CSMD1: variants seen among roughly 807,000 people sequenced by gnomAD.
The protein encoded by CSMD1 is CUB and Sushi multiple domains 1, also known as CUB and sushi domain-containing protein 1.
In CSMD1, 213 loss-of-function variants were observed where a neutral mutation model predicts 417.5. The ratio of observed to expected loss-of-function variants is 0.51; its 90% CI spans 0.46 to 0.57. CSMD1 has a LOEUF of 0.57. CSMD1 is among the 20% of genes least tolerant of loss of function. CSMD1 has a pLI of 0.00. For missense variants in CSMD1, 6,923 were observed against 4,529.7 expected, an observed-to-expected ratio of 1.53 and a Z score of -15.17; for synonymous variants, 2,862 against 1,736.8, an observed-to-expected ratio of 1.65 and a Z score of -16.11.
intron 3 of CSMD1, among the ~76,000 whole-genome samples, chr8:4,048,959 G>A (rs138758271): frequency 1.3e-3 from 190 of 151,908 alleles, no homozygotes; most frequent in African/African-American, 3.0e-3. Flanking sequence ...TAAATCTATC[G>A]TATAAATGTG....
At chr8:3,673,421 A>G (rs1314304505) in intron 7 of CSMD1, among the ~76,000 whole-genome samples, 1 of 152,116 alleles carries the variant, frequency 6.6e-6, no homozygotes, top group Non-Finnish European at 1.5e-5. Context: ...CGTAGCATCA[A>G]CTCCCCTTGG....
chr8:4,244,388 T>G (rs1044709009), intron 3 of CSMD1, among the ~76,000 whole-genome samples: 1 of 152,208 alleles, frequency 6.6e-6, no homozygotes, highest in African/African-American at 2.4e-5. Context: ...GATGTTTTTA[T>G]GTTAATAGAT....
chr8:4,755,381 G>T (rs569394888), intron 1 of CSMD1, among the ~76,000 whole-genome samples: 19 of 152,068 alleles, frequency 1.2e-4, no homozygotes, highest in Non-Finnish European at 2.4e-4. Context: ...CCTTCAAAGT[G>T]CTGCTTTCTC....
chr8:4,643,472 A>C (rs1029055420), intron 1 of CSMD1, among the ~76,000 whole-genome samples: 2 of 152,154 alleles, frequency 1.3e-5, no homozygotes, highest in South Asian at 4.1e-4. Context: ...ACATTGCCTT[A>C]CTCCTACTGG....
At chr8:3,470,253 T>C (rs1395525586) in intron 11 of CSMD1, among the ~76,000 whole-genome samples, 1 of 152,210 alleles carries the variant, frequency 6.6e-6, no homozygotes, top group African/African-American at 2.4e-5. Flanking sequence ...ATTCATGTTA[T>C]TGTTTGTAGT....
chr8:2,961,329 T>C, intron 61 of CSMD1, 115 bp from the exon 62 acceptor site: 1 of 492,022 alleles, frequency 2.0e-6, no homozygotes, highest in East Asian at 3.5e-5. Flanking sequence ...TTGAGAAATG[T>C]GCAAGATGTT....
chr8:4,680,759 T>C (rs1291079040), intron 1 of CSMD1, among the ~76,000 whole-genome samples: 1 of 152,078 alleles, frequency 6.6e-6, no homozygotes, highest in Non-Finnish European at 1.5e-5. Flanking sequence ...TTTGTATTTT[T>C]AGTAGAGACG....
At chr8:4,799,930 C>T (rs890240856) in intron 1 of CSMD1, among the ~76,000 whole-genome samples, 21 of 151,998 alleles carry the variant, frequency 1.4e-4, no homozygotes, top group African/African-American at 4.4e-4. Context: ...CTTTCGAAAG[C>T]GATGCATGTA....
At chr8:3,611,192 C>T (rs906613152) in intron 8 of CSMD1, among the ~76,000 whole-genome samples, 3 of 151,776 alleles carry the variant, frequency 2.0e-5, no homozygotes, top group Admixed American at 6.6e-5. Flanking sequence ...CGTAACTAAC[C>T]TGCACATTGT....
intron 26 of CSMD1, among the ~76,000 whole-genome samples, chr8:3,234,342 C>A (rs1419492802): frequency 6.6e-6 from 1 of 152,178 alleles, no homozygotes; most frequent in Admixed American, 6.5e-5. Context: ...CACTGTAATA[C>A]TGCAAACGGA....
chr8:4,947,673 T>C (rs753943368), intron 1 of CSMD1, among the ~76,000 whole-genome samples: 18 of 152,142 alleles, frequency 1.2e-4, no homozygotes, highest in African/African-American at 1.9e-4. Flanking sequence ...TTGATCATTC[T>C]TGGCATTGAA....
chr8:3,386,174 T>C (rs1452840193), intron 18 of CSMD1, among the ~76,000 whole-genome samples: 4 of 152,158 alleles, frequency 2.6e-5, no homozygotes, highest in Non-Finnish European at 5.9e-5. Context: ...GAAAAATGCC[T>C]CAGCTCATCT....
chr8:3,670,674 G>GA (rs1563255100), intron 7 of CSMD1, among the ~76,000 whole-genome samples: 1 of 144,326 alleles, frequency 6.9e-6, no homozygotes, highest in Non-Finnish European at 1.5e-5. Flanking sequence ...TATGTACATG[G>GA]TTATATATGT....
At chr8:3,293,430 T>G (rs556952043) in intron 25 of CSMD1, among the ~76,000 whole-genome samples, 135 of 152,372 alleles carry the variant, frequency 8.9e-4, no homozygotes, top group African/African-American at 3.0e-3. Flanking sequence ...TTTTCCAACT[T>G]GGTTCCATTC....
In CSMD1 at chr8:3,915,889, T is replaced by G. The variant is rs142796615; in HGVS notation, c.818+82014A>C. ...AATTGTTTTTGAATAACAAGGAAAT[T>G]AAAATCATATAAATTGTGTGAGTTA... On this transcript the variant is annotated intron_variant, in intron 5 of 69. Transcript: ENST00000635120. Among the ~76,000 whole-genome samples the G allele has an allele frequency of 6.9e-4, 104 of 150,338 alleles. No individual in the cohort carries two copies. The East Asian group carries it at 0.013, about 19-fold the overall frequency.
rs371301531 is a variant in CSMD1 at position 3,351,440 on chromosome 8, G to A, written c.3305-3279C>T. On this transcript the variant is annotated intron_variant, in intron 21 of 69. Coordinates refer to ENST00000635120, the MANE Select transcript of CSMD1 (RefSeq NM_033225.6). The stretch of plus-strand genomic sequence containing the variant: ...AGCCTGGCCAACATGGTGAAATCCC[G>A]TCTCTACTAAAAATACAAAAATTAG... Among the ~76,000 whole-genome samples the A allele has an allele frequency of 1.5e-3, 220 of 151,566 alleles. 2 individuals are homozygous for A. Among genetic ancestry groups the A allele is most frequent in the African/African-American group, 5.0e-3 (207 of 41,324 alleles).
intron 18 of CSMD1, among the ~76,000 whole-genome samples, chr8:3,375,787 T>C (rs1310914945): frequency 2.0e-5 from 3 of 152,130 alleles, no homozygotes; most frequent in Non-Finnish European, 2.9e-5. Flanking sequence ...TCTCTGCCTA[T>C]GGCCATAGAC....
intron 2 of CSMD1, among the ~76,000 whole-genome samples, chr8:4,455,662 G>A (rs956916978): frequency 2.0e-5 from 3 of 151,824 alleles, no homozygotes; most frequent in African/African-American, 7.3e-5. Context: ...CAGATACAGT[G>A]GCTCACCCCT....
intron 55 of CSMD1, among the ~76,000 whole-genome samples, chr8:2,976,065 T>C (rs1804892986): frequency 1.3e-5 from 2 of 152,222 alleles, no homozygotes; most frequent in Non-Finnish European, 2.9e-5. Context: ...TTGAAGACCG[T>C]AACACATTTA....
Sources: gnomAD v4.1 joint callset for allele counts (sites outside exome capture counted in the v4.1 genomes callset) on GRCh38, gnomAD v4.1.1 for gene constraint, MANE v1.5 for transcripts, NCBI Gene and HGNC (gene_info 2026-07-23, HGNC 2026-07-21) for gene names.